Variants in ARHGEF3 observed in about 807,000 individuals in gnomAD.
ARHGEF3 encodes the protein Rho guanine nucleotide exchange factor 3, also known as 59.8 kDA protein.
A neutral mutation model predicts 63.2 loss-of-function variants in ARHGEF3; 28 were observed. The observed-to-expected ratio is 0.44, with a 90% CI of 0.33 to 0.61. The LOEUF (loss-of-function observed/expected upper bound fraction) is 0.61, where lower values mean the gene tolerates loss of function less well. Among genes scored for constraint, ARHGEF3 ranks in the 20% least tolerant of loss-of-function variants. The pLI is 0.03. For missense variants in ARHGEF3, 533 were observed against 659.3 expected (o/e 0.81, Z 2.10); for synonymous variants, 266 against 254.2 (o/e 1.05, Z -0.44).
intron 2 of ARHGEF3, among the ~76,000 whole-genome samples, chr3:56,986,719 T>TCA (rs1477873596): frequency 6.6e-6 from 1 of 151,664 alleles, no homozygotes; most frequent in Non-Finnish European, 1.5e-5. Flanking sequence ...GAAGGCAGTT[T>TCA]CAGGGTAGTA....
chr3:56,923,757 G>C (rs1259705507), intron 3 of ARHGEF3, among the ~76,000 whole-genome samples: 1 of 152,050 alleles, frequency 6.6e-6, no homozygotes, highest in African/African-American at 2.4e-5. Flanking sequence ...GTGGTTTTTT[G>C]TTTTGTTATG....
intron 1 of ARHGEF3, among the ~76,000 whole-genome samples, chr3:57,048,261 G>A (rs1296689426): frequency 6.6e-6 from 1 of 152,148 alleles, no homozygotes; most frequent in Non-Finnish European, 1.5e-5. Flanking sequence ...AAATGACAAT[G>A]AGGAATGAGC....
At chr3:56,973,120 C>A (rs1700987952) in intron 2 of ARHGEF3, among the ~76,000 whole-genome samples, 1 of 151,896 alleles carries the variant, frequency 6.6e-6, no homozygotes, top group Non-Finnish European at 1.5e-5. Flanking sequence ...GGGTTCACAC[C>A]ATTCTCCTGC....
intron 4 of ARHGEF3, among the ~76,000 whole-genome samples, chr3:56,878,614 CA>C (rs2040669457): frequency 6.6e-6 from 1 of 152,178 alleles, no homozygotes; most frequent in Non-Finnish European, 1.5e-5. Flanking sequence ...AAACTCTTAA[CA>C]GGGGTCTTGG....
intron 4 of ARHGEF3, among the ~76,000 whole-genome samples, chr3:56,843,905 G>C (rs770318463): frequency 2.0e-5 from 3 of 152,174 alleles, no homozygotes; most frequent in Non-Finnish European, 4.4e-5. Context: ...AATTCCCAGT[G>C]CAACGGCAGG....
chr3:56,886,837 AG>A (rs975073933), intron 3 of ARHGEF3, among the ~76,000 whole-genome samples: 1 of 152,162 alleles, frequency 6.6e-6, no homozygotes, highest in African/African-American at 2.4e-5. Context: ...GAATTTGTCC[AG>A]GGTTTCATGA....
intron 1 of ARHGEF3, chr3:57,079,095 G>T: frequency 3.1e-6 from 1 of 323,732 alleles, no homozygotes; most frequent in Non-Finnish European, 5.7e-6. Flanking sequence ...TCGGGGACCA[G>T]GGCAAAGGAG....
chr3:56,729,894 G>T (rs1477660083), intron 9 of ARHGEF3, among the ~76,000 whole-genome samples: 1 of 152,102 alleles, frequency 6.6e-6, no homozygotes, highest in Non-Finnish European at 1.5e-5. Context: ...AAGTGATTTA[G>T]GGGAGCCCAG....
At chr3:57,025,150 G>A (rs900083553) in intron 2 of ARHGEF3, among the ~76,000 whole-genome samples, 2 of 152,322 alleles carry the variant, frequency 1.3e-5, no homozygotes, top group Non-Finnish European at 2.9e-5. Flanking sequence ...GTTCTGGATC[G>A]AAGGAGACTA....
chr3:56,745,357 G>A lies in ARHGEF3; in HGVS notation c.718C>T (p.Arg240Ter). ...CGGCTAAAGGGGGATTCTAAACATC[G>A]CTGTAGGAAATCCTGGACTCGGTGA... ...QDHRVQDFLQ[R>*]CLESPFSRKL... Residue 240 changes from arginine (R) to a stop codon, truncating the protein, a stop_gained, in exon 7 of 10, where the codon CGA (arginine) becomes TGA (stop). Transcript: ENST00000296315. LOFTEE classifies it high-confidence loss of function. 1.2e-6 allele frequency: 2 copies of A among 1,614,064 alleles called. No homozygotes were observed. The highest frequency in any genetic ancestry group is 1.7e-6 in the Non-Finnish European group (2 of 1,180,022).
At chr3:56,761,023 G>A (rs2035384777) in intron 2 of ARHGEF3, among the ~76,000 whole-genome samples, 1 of 152,162 alleles carries the variant, frequency 6.6e-6, no homozygotes, top group Non-Finnish European at 1.5e-5. Flanking sequence ...TGTAAGTCTA[G>A]CAATTTGACA....
At chr3:56,735,688 T>C (rs9311618) in intron 8 of ARHGEF3, among the ~76,000 whole-genome samples, 23,336 of 152,104 alleles carry the variant, frequency 0.15, 2,044 homozygotes, top group South Asian at 0.38. Flanking sequence ...CCACAGGTGC[T>C]TTCTGAAAAT....
chr3:56,755,300 T>A (rs751587562), intron 2 of ARHGEF3, 149 bp from the exon 3 acceptor site: 29 of 894,998 alleles, frequency 3.2e-5, no homozygotes, highest in Non-Finnish European at 4.9e-5. Context: ...TGGGGCATTG[T>A]CTTGAGCCTA....
intron 3 of ARHGEF3, among the ~76,000 whole-genome samples, chr3:56,948,851 CT>C: frequency 6.6e-6 from 1 of 151,960 alleles, no homozygotes; most frequent in Non-Finnish European, 1.5e-5. Context: ...ACCAATATCC[CT>C]GATGAACATC....
intron 8 of ARHGEF3, among the ~76,000 whole-genome samples, chr3:56,734,755 A>G (rs1041390086): frequency 2.0e-5 from 3 of 152,108 alleles, no homozygotes; most frequent in African/African-American, 7.2e-5. Context: ...AACCCAACCA[A>G]ATCTTGGCTA....
intron 2 of ARHGEF3, among the ~76,000 whole-genome samples, chr3:57,016,473 G>A (rs529069552): frequency 4.1e-4 from 63 of 152,082 alleles, no homozygotes; most frequent in Non-Finnish European, 6.6e-4. Context: ...GCTTAAACCC[G>A]GGAGGCGGAG....
chr3:56,963,578 T>C (rs753640337), intron 2 of ARHGEF3, among the ~76,000 whole-genome samples: 5 of 152,258 alleles, frequency 3.3e-5, no homozygotes, highest in Non-Finnish European at 7.3e-5. Flanking sequence ...TATTTTACTG[T>C]CTGAATTCTT....
At chr3:56,740,061 A>G (rs924291692) in intron 7 of ARHGEF3, among the ~76,000 whole-genome samples, 4 of 151,876 alleles carry the variant, frequency 2.6e-5, no homozygotes, top group African/African-American at 9.7e-5. Context: ...CACCACGCCC[A>G]GCTAATTTTT....
At chr3:56,792,144 A>T (rs2037119493) in intron 1 of ARHGEF3, among the ~76,000 whole-genome samples, 1 of 83,010 alleles carries the variant, frequency 1.2e-5, no homozygotes, top group Non-Finnish European at 2.2e-5. Context: ...AAAAGAAAAG[A>T]AAATAACTGA....
Sources: allele counts gnomAD v4.1 joint callset (sites outside exome capture counted in the v4.1 genomes callset), GRCh38; gene constraint gnomAD v4.1.1; transcripts MANE v1.5; gene names NCBI Gene and HGNC (gene_info 2026-07-23, HGNC 2026-07-21).